DPYD: variants seen among roughly 807,000 people sequenced by gnomAD.
DPYD encodes the protein dihydropyrimidine dehydrogenase [NADP(+)].
A neutral mutation model predicts 116.2 loss-of-function variants in DPYD; 109 were observed. That is an observed-to-expected ratio of 0.94 (90% CI 0.80 to 1.10). The LOEUF (loss-of-function observed/expected upper bound fraction) is 1.10. DPYD is among the 50% of genes least tolerant of loss of function. The probability of loss-of-function intolerance (pLI) is 0.00; values close to 1 mark genes in which losing one functional copy is unlikely to be tolerated. For synonymous variants in DPYD, 440 were observed against 432.0 expected (o/e 1.02, Z -0.23); for missense variants, 1,302 against 1,254.5 (o/e 1.04, Z -0.57).
intron 19 of DPYD, among the ~76,000 whole-genome samples, chr1:97,234,626 G>A (rs1661783887): frequency 6.6e-6 from 1 of 152,060 alleles, no homozygotes; most frequent in Non-Finnish European, 1.5e-5. Context: ...GTGAATAAAT[G>A]TATTAAGAAA....
chr1:97,325,781 T>A (rs1668677135), intron 16 of DPYD, among the ~76,000 whole-genome samples: 1 of 151,814 alleles, frequency 6.6e-6, no homozygotes, highest in African/African-American at 2.4e-5. Flanking sequence ...GAAAAATGTA[T>A]GACTAAAAAA....
intron 5 of DPYD, among the ~76,000 whole-genome samples, chr1:97,707,893 G>C (rs1300520561): frequency 6.6e-6 from 1 of 152,004 alleles, no homozygotes; most frequent in Non-Finnish European, 1.5e-5. Context: ...TGGACATTTT[G>C]CATAACAGTT....
At chr1:97,391,780 C>T (rs1305332729) in intron 14 of DPYD, among the ~76,000 whole-genome samples, 3 of 152,086 alleles carry the variant, frequency 2.0e-5, no homozygotes, top group African/African-American at 7.2e-5. Context: ...GGCTTCAAAT[C>T]CAATTTCAGG....
intron 11 of DPYD, among the ~76,000 whole-genome samples, chr1:97,571,214 G>A (rs976252268): frequency 1.3e-5 from 2 of 151,964 alleles, no homozygotes; most frequent in African/African-American, 4.8e-5. Flanking sequence ...GTCAGTGATA[G>A]GCTTGGAAAG....
At chr1:97,819,333 T>G (rs1410093343) in intron 3 of DPYD, among the ~76,000 whole-genome samples, 2 of 151,914 alleles carry the variant, frequency 1.3e-5, no homozygotes, top group African/African-American at 2.4e-5. Context: ...ATGATTAAAA[T>G]AGAAAAGAGT....
intron 20 of DPYD, among the ~76,000 whole-genome samples, chr1:97,119,309 T>C (rs1488555226): frequency 6.6e-6 from 1 of 152,116 alleles, no homozygotes; most frequent in Non-Finnish European, 1.5e-5. Flanking sequence ...AGCAATGACA[T>C]GGAAATTAGC....
intron 14 of DPYD, among the ~76,000 whole-genome samples, chr1:97,389,999 T>C (rs1672604809): frequency 6.6e-6 from 1 of 152,086 alleles, no homozygotes; most frequent in African/African-American, 2.4e-5. Flanking sequence ...AATTATTTTA[T>C]TAAGTAGCTT....
At chr1:97,836,434 G>C (rs1327560628) in intron 2 of DPYD, among the ~76,000 whole-genome samples, 1 of 152,040 alleles carries the variant, frequency 6.6e-6, no homozygotes, top group East Asian at 1.9e-4. Flanking sequence ...TATTTAGATG[G>C]TATGGCTGTG....
At chr1:97,559,129 G>T (rs1651951009) in intron 11 of DPYD, among the ~76,000 whole-genome samples, 1 of 152,028 alleles carries the variant, frequency 6.6e-6, no homozygotes, top group South Asian at 2.1e-4. Flanking sequence ...ATGAGATAGT[G>T]AAAAAATAGC....
chr1:97,590,133 A>T (rs1654402442), intron 10 of DPYD, among the ~76,000 whole-genome samples: 1 of 152,168 alleles, frequency 6.6e-6, no homozygotes, highest in African/African-American at 2.4e-5. Context: ...ATACAAAACC[A>T]AGCAATGGCC....
intron 2 of DPYD, among the ~76,000 whole-genome samples, chr1:97,853,258 T>C (rs1008065170): frequency 1.3e-5 from 2 of 152,222 alleles, no homozygotes; most frequent in African/African-American, 4.8e-5. Context: ...ATCAATGTAC[T>C]GAATTAATTA....
intron 2 of DPYD, among the ~76,000 whole-genome samples, chr1:97,839,225 T>C (rs1669922881): frequency 6.6e-6 from 1 of 152,210 alleles, no homozygotes; most frequent in African/African-American, 2.4e-5. Context: ...ATATTGTAAA[T>C]GGTTTAATTT....
intron 20 of DPYD, among the ~76,000 whole-genome samples, chr1:97,111,488 GT>G (rs921881998): frequency 3.6e-4 from 52 of 143,614 alleles, no homozygotes; most frequent in Admixed American, 7.0e-4. Flanking sequence ...CATTTACTGG[GT>G]TTTTTTTTTT....
chr1:97,908,702 C>T (rs530161578), intron 1 of DPYD, among the ~76,000 whole-genome samples: 1 of 152,206 alleles, frequency 6.6e-6, no homozygotes, highest in South Asian at 2.1e-4. Context: ...AAACATACCA[C>T]TCCAATCTTT....
At chr1:97,487,402 G>A (rs1402724159) in intron 13 of DPYD, among the ~76,000 whole-genome samples, 2 of 152,114 alleles carry the variant, frequency 1.3e-5, no homozygotes, top group African/African-American at 2.4e-5. Flanking sequence ...GGCCAGGCGC[G>A]GTGGCTCACA....
intron 13 of DPYD, among the ~76,000 whole-genome samples, chr1:97,499,797 T>C (rs545859703): frequency 6.6e-6 from 1 of 152,126 alleles, no homozygotes; most frequent in Non-Finnish European, 1.5e-5. Flanking sequence ...CTGAAAAGTT[T>C]TTCAAGTTTT....
At chr1:97,858,909 T>G (rs1558013229) in intron 2 of DPYD, among the ~76,000 whole-genome samples, 1 of 152,118 alleles carries the variant, frequency 6.6e-6, no homozygotes, top group Non-Finnish European at 1.5e-5. Context: ...TACTTAATTT[T>G]GATTCAGCAT....
chr1:97,269,157 T>C (rs74361189), intron 18 of DPYD, among the ~76,000 whole-genome samples: 1 of 152,198 alleles, frequency 6.6e-6, no homozygotes, highest in Non-Finnish European at 1.5e-5. Context: ...CATTTTTTTT[T>C]GCAACTGCAC....
At chr1:97,625,122 C>CA (rs1043432721) in intron 8 of DPYD, among the ~76,000 whole-genome samples, 1 of 151,934 alleles carries the variant, frequency 6.6e-6, no homozygotes. Context: ...GTTCTTACCA[C>CA]AAAAAAGTTA....
Sources: gnomAD v4.1 joint callset for allele counts (sites outside exome capture counted in the v4.1 genomes callset) on GRCh38, gnomAD v4.1.1 for gene constraint, MANE v1.5 for transcripts, NCBI Gene and HGNC (gene_info 2026-07-23, HGNC 2026-07-21) for gene names.